NRG1: variants seen among roughly 807,000 people sequenced by gnomAD.
NRG1 encodes pro-neuregulin-1, membrane-bound isoform.
NRG1 carries 18 observed loss-of-function variants against 63.8 expected under a neutral mutation model. That is an observed-to-expected ratio of 0.28 (90% CI 0.19 to 0.42). NRG1 has a LOEUF of 0.42. Ranked by LOEUF, NRG1 falls within the 10% of genes least tolerant of loss-of-function variation. The pLI is 1.00. For missense variants in NRG1, 762 were observed against 814.7 expected (o/e 0.94, Z 0.79); for synonymous variants, 302 against 301.3 (o/e 1.00, Z -0.02).
intron 1 of NRG1, among the ~76,000 whole-genome samples, chr8:31,711,330 C>G (rs2131253561): frequency 6.6e-6 from 1 of 152,242 alleles, no homozygotes; most frequent in Admixed American, 6.5e-5. Flanking sequence ...TGCCTTTATT[C>G]CTAAAGGACA....
chr8:32,371,618 G>T (rs1405605032), intron 1 of NRG1, among the ~76,000 whole-genome samples: 2 of 152,118 alleles, frequency 1.3e-5, no homozygotes, highest in Non-Finnish European at 2.9e-5. Flanking sequence ...GTGAGAATTG[G>T]GAGAAACTTT....
At chr8:32,379,555 A>T (rs935601566) in intron 1 of NRG1, among the ~76,000 whole-genome samples, 2 of 152,212 alleles carry the variant, frequency 1.3e-5, no homozygotes, top group Non-Finnish European at 2.9e-5. Context: ...ATTGCATATG[A>T]TTGATATAAC....
chr8:32,010,321 G>T (rs564400959), intron 1 of NRG1, among the ~76,000 whole-genome samples: 2 of 152,104 alleles, frequency 1.3e-5, no homozygotes, highest in Admixed American at 1.3e-4. Context: ...TATGCCATTA[G>T]GTTGTTTTGC....
intron 1 of NRG1, among the ~76,000 whole-genome samples, chr8:32,091,122 C>CA (rs1205636993): frequency 1.3e-5 from 2 of 152,088 alleles, no homozygotes; most frequent in Admixed American, 6.5e-5. Context: ...ACTAAAAATA[C>CA]AAAAAATTAG....
chr8:32,615,131 A>C (rs1847116161), intron 4 of NRG1, among the ~76,000 whole-genome samples: 1 of 152,180 alleles, frequency 6.6e-6, no homozygotes, highest in South Asian at 2.1e-4. Context: ...TAGTCTGAGC[A>C]GATATTAGCA....
At chr8:32,630,912 A>G (rs1289592700) in intron 5 of NRG1, among the ~76,000 whole-genome samples, 1 of 152,144 alleles carries the variant, frequency 6.6e-6, no homozygotes, top group Admixed American at 6.5e-5. Context: ...TGCCTATAGC[A>G]ATATATCAGT....
chr8:32,322,355 T>TTTTATATATATA (rs1554507854), intron 1 of NRG1, among the ~76,000 whole-genome samples: 1 of 142,656 alleles, frequency 7.0e-6, no homozygotes, highest in African/African-American at 2.6e-5. Context: ...CAACCTTATT[T>TTTTATATATATA]TATATATATA....
chr8:32,135,415 G>A (rs1387065353), intron 1 of NRG1, among the ~76,000 whole-genome samples: 3 of 152,116 alleles, frequency 2.0e-5, no homozygotes, highest in East Asian at 1.9e-4. Flanking sequence ...TTGGAGGGTA[G>A]TGGTGGTAGT....
chr8:31,926,780 A>G (rs1182290001), intron 1 of NRG1, among the ~76,000 whole-genome samples: 1 of 152,062 alleles, frequency 6.6e-6, no homozygotes, highest in Non-Finnish European at 1.5e-5. Flanking sequence ...TCTGGGGAAA[A>G]TGGCCAAGAA....
chr8:32,394,660 G>A (rs764787985), intron 1 of NRG1, among the ~76,000 whole-genome samples: 1 of 152,064 alleles, frequency 6.6e-6, no homozygotes, highest in Non-Finnish European at 1.5e-5. Context: ...TTGTTTGCTC[G>A]AGACCAAGCA....
At chr8:32,538,156 C>T (rs1832216714) in intron 1 of NRG1, among the ~76,000 whole-genome samples, 1 of 152,106 alleles carries the variant, frequency 6.6e-6, no homozygotes, top group Admixed American at 6.5e-5. Flanking sequence ...TCAGCTGAGA[C>T]AGTGACCCTC....
intron 1 of NRG1, among the ~76,000 whole-genome samples, chr8:31,657,753 G>T (rs1227961335): frequency 6.6e-6 from 1 of 152,154 alleles, no homozygotes; most frequent in Non-Finnish European, 1.5e-5. Context: ...ATCTTGCAAG[G>T]TATATCATTT....
chr8:32,442,314 A>G (rs1819651944), intron 1 of NRG1, among the ~76,000 whole-genome samples: 1 of 152,168 alleles, frequency 6.6e-6, no homozygotes, highest in South Asian at 2.1e-4. Context: ...GACTCAAAGA[A>G]TTACCTTCAT....
chr8:31,769,841 C>T (rs1488844873), intron 1 of NRG1, among the ~76,000 whole-genome samples: 3 of 152,140 alleles, frequency 2.0e-5, no homozygotes, highest in South Asian at 2.1e-4. Context: ...TCACTGAAAA[C>T]ATTTATGAAG....
chr8:32,771,657 CTGTT>C (rs1831802150), downstream of NRG1, among the ~76,000 whole-genome samples: 1 of 143,948 alleles, frequency 6.9e-6, no homozygotes, highest in Admixed American at 7.2e-5. Context: ...GACAGTATAT[CTGTT>C]TGTCTTAGTT....
At chr8:32,122,458 T>A (rs979895395) in intron 1 of NRG1, among the ~76,000 whole-genome samples, 19 of 152,110 alleles carry the variant, frequency 1.2e-4, no homozygotes, top group African/African-American at 3.4e-4. Flanking sequence ...TTCACATGGG[T>A]GAAAATCCTA....
intron 1 of NRG1, among the ~76,000 whole-genome samples, chr8:32,202,005 A>G (rs1843544159): frequency 6.6e-6 from 1 of 152,176 alleles, no homozygotes; most frequent in African/African-American, 2.4e-5. Flanking sequence ...GTGAAAGGGA[A>G]TTCATTTGCT....
intron 1 of NRG1, chr8:32,287,158 A>T (rs1427405168): frequency 1.3e-5 from 2 of 152,220 alleles, no homozygotes; most frequent in Non-Finnish European, 2.9e-5. Flanking sequence ...GTTCTCCTTC[A>T]TCTATCATAC....
chr8:32,281,368 G>A (rs924352157), intron 1 of NRG1, among the ~76,000 whole-genome samples: 2 of 151,312 alleles, frequency 1.3e-5, no homozygotes, highest in Admixed American at 6.6e-5. Flanking sequence ...AGTAGAGATG[G>A]GGTTTCACCA....
Sources: allele counts gnomAD v4.1 joint callset (sites outside exome capture counted in the v4.1 genomes callset), GRCh38; gene constraint gnomAD v4.1.1; transcripts MANE v1.5; gene names NCBI Gene and HGNC (gene_info 2026-07-23, HGNC 2026-07-21).